The following ADGRV1 variants were observed in gnomAD, a reference collection of about 807,000 sequenced individuals.
ADGRV1 encodes the protein G-protein coupled receptor 98.
Under a neutral mutation model 596.2 loss-of-function variants are expected in ADGRV1, and 359 were observed. The ratio of observed to expected loss-of-function variants is 0.60; its 90% confidence interval spans 0.55 to 0.66. The LOEUF (loss-of-function observed/expected upper bound fraction) is 0.66, where lower values mean the gene tolerates loss of function less well. ADGRV1 is among the 30% of genes least tolerant of loss of function. The pLI, the probability that ADGRV1 is intolerant of heterozygous loss-of-function variation, is 0.00. For missense variants in ADGRV1, 7,274 were observed against 7,575.6 expected, an observed-to-expected ratio of 0.96 and a Z score of 1.48; for synonymous variants, 2,681 against 2,679.2, an observed-to-expected ratio of 1.00 and a Z score of -0.02.
intron 76 of ADGRV1, among the ~76,000 whole-genome samples, chr5:90,828,738 T>C (rs1014139164): frequency 6.6e-6 from 1 of 152,112 alleles, no homozygotes; most frequent in Non-Finnish European, 1.5e-5. Flanking sequence ...CCAGAGAAAG[T>C]AAATGTATTT....
At chr5:90,971,971 G>C (rs182529012) in intron 84 of ADGRV1, among the ~76,000 whole-genome samples, 1 of 152,072 alleles carries the variant, frequency 6.6e-6, no homozygotes, top group Non-Finnish European at 1.5e-5. Context: ...CATGGGCAGA[G>C]ACACACATAG....
chr5:90,905,756 T>G (rs1202501200), intron 83 of ADGRV1, among the ~76,000 whole-genome samples: 2 of 152,104 alleles, frequency 1.3e-5, no homozygotes, highest in Admixed American at 1.3e-4. Flanking sequence ...AGCTGGGACT[T>G]TGAGTACTAT....
At chr5:90,934,809 C>T (rs1366961379) in intron 83 of ADGRV1, among the ~76,000 whole-genome samples, 1 of 152,160 alleles carries the variant, frequency 6.6e-6, no homozygotes, top group African/African-American at 2.4e-5. Context: ...ATTCTGAGGC[C>T]TCTTCTCTTG....
chr5:90,807,738 G>A lies in ADGRV1; in HGVS notation c.14972+1G>A. 1 of 1,543,572 alleles carries A rather than the reference G, an allele frequency of 6.5e-7. No individual in the cohort carries two copies. Among genetic ancestry groups the A allele is most frequent in the Non-Finnish European group, 8.8e-7 (1 of 1,138,016 alleles). On this transcript the variant is annotated splice_donor_variant, in intron 73 of 89. Coordinates refer to ENST00000405460, the MANE Select transcript of ADGRV1 (RefSeq NM_032119.4). LOFTEE classifies it high-confidence loss of function. ...GTGCTCCTGGCGGAGCTCAACTCCG[G>A]TAAGACCAACCTCATTCTCACCCAA... is the stretch of plus-strand genomic sequence containing the variant.
chr5:90,650,058 T>C (rs1018031948), intron 17 of ADGRV1, among the ~76,000 whole-genome samples: 2 of 147,390 alleles, frequency 1.4e-5, no homozygotes, highest in Non-Finnish European at 3.0e-5. Context: ...GATTTTTTAA[T>C]ACATCCTTTC....
In ADGRV1 at chr5:90,703,697, T is replaced by C; in HGVS notation, c.8188T>C (p.Phe2730Leu). The C allele has an allele frequency of 6.2e-7, 1 of 1,605,038 alleles. No homozygotes were observed. Among genetic ancestry groups the C allele is most frequent in the Non-Finnish European group, 8.5e-7 (1 of 1,174,214 alleles). ...TTTACAATTCCATGTGATAAGAACTTTCCCTGGTCGAGGAAATGTTACTGT... is the reference window on the plus strand; with the variant it reads ...TTTACAATTCCATGTGATAAGAACTCTCCCTGGTCGAGGAAATGTTACTGT... ...EILQFHVIRTFPGRGNVTVNW... is the reference protein window; with the variant it reads ...EILQFHVIRTLPGRGNVTVNW... Residue 2730 changes from phenylalanine to leucine, a missense_variant, in exon 35 of 90, where the codon TTC (phenylalanine) becomes CTC (leucine). This residue lies in a region of ADGRV1 where 3,643 missense variants were observed against 3,809.2 expected (regional missense o/e 0.96). Transcript: ENST00000405460.
chr5:90,913,249 G>C (rs1773056666), intron 83 of ADGRV1, among the ~76,000 whole-genome samples: 1 of 152,088 alleles, frequency 6.6e-6, no homozygotes, highest in South Asian at 2.1e-4. Context: ...TTACAGCTTT[G>C]GAGTGAAAGT....
intron 83 of ADGRV1, among the ~76,000 whole-genome samples, chr5:90,901,585 T>C (rs1276456238): frequency 6.6e-6 from 1 of 152,144 alleles, no homozygotes; most frequent in African/African-American, 2.4e-5. Flanking sequence ...AGCAATTCTA[T>C]CTCAGGTGTT....
chr5:91,120,094 CAG>C (rs2126739837), intron 87 of ADGRV1, among the ~76,000 whole-genome samples: 1 of 152,284 alleles, frequency 6.6e-6, no homozygotes, highest in South Asian at 2.1e-4. Context: ...CTTGGATACT[CAG>C]GGTGATTACA....
chr5:90,728,874 T>C lies in ADGRV1; in HGVS notation c.10367T>C (p.Val3456Ala), dbSNP rs1316131638. Residue 3456 changes from valine to alanine, a missense_variant, in exon 49 of 90, where the codon GTT becomes GCT. Val to Ala is a moderately conservative substitution (Grantham distance 64, BLOSUM62 0). Coordinates refer to ENST00000405460, the MANE Select transcript of ADGRV1 (RefSeq NM_032119.4). ...GTGCCTGTCAGTGGGACAACAGAAG[T>C]TGAGGCTTTGTCTTCAGCCAATGAT... ...QEVPVSGTTE[V>A]EALSSANDIY... The C allele has an allele frequency of 6.2e-7, 1 of 1,613,482 alleles. No individual in the cohort carries two copies. Among genetic ancestry groups the C allele is most frequent in the Non-Finnish European group, 8.5e-7 (1 of 1,179,754 alleles).
rs768572357 is a variant in ADGRV1 at position 90,783,913 on chromosome 5, C to A, written c.13509C>A (p.Ser4503Arg). Reference protein sequence around the residue: ...GGAVLGRHLVSRIIIAKSDSP... With the variant: ...GGAVLGRHLVRRIIIAKSDSP... The stretch of plus-strand genomic sequence containing the variant: ...CGGTCCTTGGGCGCCACCTAGTGAG[C>A]AGAATCATAATAGCTAAGAGTGACT... Residue 4503 changes from serine (S) to arginine (R), a missense_variant, in exon 67 of 90, where the codon AGC becomes AGA. By Grantham distance (110) the Ser-to-Arg change is moderately radical. Transcript: ENST00000405460. The A allele has an allele frequency of 2.5e-5, 41 of 1,612,164 alleles. No individual in the cohort carries two copies. Among genetic ancestry groups the A allele is most frequent in the Non-Finnish European group, 3.4e-5 (40 of 1,179,216 alleles).
intron 34 of ADGRV1, 32 bp downstream of exon 34, chr5:90,697,178 T>G: frequency 6.4e-7 from 1 of 1,564,322 alleles, no homozygotes; most frequent in Non-Finnish European, 8.8e-7. Flanking sequence ...GCATATTCAT[T>G]TTCTTTTCTA....
At chr5:91,143,748 G>A (rs1562274172) in intron 87 of ADGRV1, among the ~76,000 whole-genome samples, 2 of 152,142 alleles carry the variant, frequency 1.3e-5, no homozygotes, top group Admixed American at 6.5e-5. Context: ...TTGAAGGTGG[G>A]GCCTCAACAG....
chr5:90,995,376 C>A (rs1411162911), intron 85 of ADGRV1, among the ~76,000 whole-genome samples: 2 of 152,148 alleles, frequency 1.3e-5, no homozygotes. Context: ...CCCCAAACCT[C>A]CTCCCCTATG....
At chr5:90,949,301 C>G (rs150159758) in intron 83 of ADGRV1, among the ~76,000 whole-genome samples, 1 of 152,020 alleles carries the variant, frequency 6.6e-6, no homozygotes, top group African/African-American at 2.4e-5. Flanking sequence ...TTATATGGGT[C>G]TGTGTGTAAA....
intron 78 of ADGRV1, among the ~76,000 whole-genome samples, chr5:90,847,868 G>GC (rs545694648): frequency 3.0e-3 from 450 of 152,196 alleles, no homozygotes; most frequent in Non-Finnish European, 5.7e-3. Flanking sequence ...AGCTGAGGGA[G>GC]CCGGTTCCCG....
At chr5:91,027,349 C>G (rs1363844082) in intron 85 of ADGRV1, among the ~76,000 whole-genome samples, 1 of 152,098 alleles carries the variant, frequency 6.6e-6, no homozygotes. Context: ...GATTAAATCC[C>G]TCAATCTCTT....
chr5:90,987,469 C>CAAAAA (rs11442398), intron 85 of ADGRV1, among the ~76,000 whole-genome samples: 2 of 94,966 alleles, frequency 2.1e-5, no homozygotes, highest in Admixed American at 1.2e-4. Flanking sequence ...GACTCTGACT[C>CAAAAA]AAAAAAAAAA....
At chr5:90,811,884 A>G (rs1397892232) in intron 74 of ADGRV1, among the ~76,000 whole-genome samples, 2 of 151,626 alleles carry the variant, frequency 1.3e-5, no homozygotes, top group Non-Finnish European at 2.9e-5. Context: ...ATCTTATGCA[A>G]TCTTTTCATG....
Sources: allele counts gnomAD v4.1 joint callset (sites outside exome capture counted in the v4.1 genomes callset), GRCh38; gene constraint gnomAD v4.1.1; regional missense constraint gnomAD v4.1.1; transcripts MANE v1.5; gene names NCBI Gene and HGNC (gene_info 2026-07-23, HGNC 2026-07-21).